The following RGS6 variants were observed in gnomAD, a reference collection of about 807,000 sequenced individuals.
RGS6 encodes the protein regulator of G-protein signaling 6.
A neutral mutation model predicts 78.5 loss-of-function variants in RGS6; 30 were observed. The observed-to-expected ratio is 0.38, with a 90% CI of 0.29 to 0.52. RGS6 has a LOEUF of 0.52. Among genes scored for constraint, RGS6 ranks in the 20% least tolerant of loss-of-function variants. The pLI, the probability that RGS6 is intolerant of heterozygous loss-of-function variation, is 0.85. For synonymous variants in RGS6, 206 were observed against 206.0 expected (o/e 1.00, Z 0.00); for missense variants, 495 against 609.7 (o/e 0.81, Z 1.98).
chr14:72,360,610 G>C (rs922474575), intron 3 of RGS6, among the ~76,000 whole-genome samples: 4 of 151,838 alleles, frequency 2.6e-5, no homozygotes, highest in African/African-American at 9.7e-5. Flanking sequence ...TGTGATGGGA[G>C]GTGGTGGAAG....
At chr14:72,557,294 C>T (rs1479564244) in intron 17 of RGS6, among the ~76,000 whole-genome samples, 1 of 152,252 alleles carries the variant, frequency 6.6e-6, no homozygotes, top group Non-Finnish European at 1.5e-5. Context: ...CAGCGTTTCT[C>T]CGACATCTCA....
At chr14:72,183,308 C>T (rs566937105) in intron 2 of RGS6, among the ~76,000 whole-genome samples, 83 of 152,320 alleles carry the variant, frequency 5.4e-4, no homozygotes, top group South Asian at 1.0e-3. Flanking sequence ...TCCCTGCAAA[C>T]GTCTCTTCTG....
intron 2 of RGS6, among the ~76,000 whole-genome samples, chr14:72,128,545 A>AT (rs563902872): frequency 1.2e-3 from 175 of 146,364 alleles, no homozygotes; most frequent in African/African-American, 3.2e-3. Flanking sequence ...GATTGTGTTG[A>AT]TTTTTTTTTT....
At chr14:72,479,340 G>GT (rs2096316409) in intron 12 of RGS6, among the ~76,000 whole-genome samples, 1 of 152,190 alleles carries the variant, frequency 6.6e-6, no homozygotes, top group African/African-American at 2.4e-5. Context: ...TTATTCCAGG[G>GT]TTTCTCGATT....
At chr14:72,088,906 A>G (rs180702268) in intron 2 of RGS6, among the ~76,000 whole-genome samples, 321 of 152,348 alleles carry the variant, frequency 2.1e-3, no homozygotes, top group African/African-American at 7.4e-3. Flanking sequence ...TCCCCTGTCA[A>G]GAACGTTCCT....
At chr14:72,315,038 A>G (rs974136063) in intron 2 of RGS6, among the ~76,000 whole-genome samples, 10 of 152,200 alleles carry the variant, frequency 6.6e-5, no homozygotes, top group African/African-American at 2.4e-4. Flanking sequence ...AACCACAGCC[A>G]GTTTATTTTT....
intron 3 of RGS6, among the ~76,000 whole-genome samples, chr14:72,423,338 C>T (rs546475800): frequency 1.8e-4 from 27 of 152,302 alleles, no homozygotes; most frequent in African/African-American, 6.3e-4. Context: ...GCTGATGGCC[C>T]TGGGCTGCTT....
At chr14:72,057,727 C>T (rs1239736059) in intron 2 of RGS6, among the ~76,000 whole-genome samples, 1 of 152,170 alleles carries the variant, frequency 6.6e-6, no homozygotes. Context: ...TTTTGCGCGT[C>T]ATTTTGTGCT....
chr14:72,569,509 A>G (rs1169414581), downstream of RGS6, among the ~76,000 whole-genome samples: 1 of 152,180 alleles, frequency 6.6e-6, no homozygotes, highest in Non-Finnish European at 1.5e-5. Context: ...GTGAAACCCC[A>G]TCTCTACCAA....
At chr14:72,468,186 C>T (rs545103702) in intron 7 of RGS6, among the ~76,000 whole-genome samples, 2 of 152,224 alleles carry the variant, frequency 1.3e-5, no homozygotes, top group East Asian at 3.9e-4. Flanking sequence ...CGAGACCATC[C>T]TGGCTAACAT....
rs536151715 is a variant in RGS6 at position 72,565,677 on chromosome 14, C to T, written c.*3210C>T. On this transcript the variant is annotated 3_prime_UTR_variant, in exon 18 of 18. Transcript: ENST00000553525. The stretch of plus-strand genomic sequence containing the variant: ...TAGCTGAACACATGGGGACATGCTC[C>T]AGGGGCTTCTTCCCTGGCAGGATTC... 6.6e-6 allele frequency: 1 copy of T among 152,350 alleles called. No individual in the cohort carries two copies. Among genetic ancestry groups the T allele is most frequent in the African/African-American group, 2.4e-5 (1 of 41,566 alleles). The allele number at this position is 152,350 out of a possible 1,614,324, so 9.4% of individuals were successfully genotyped here.
intron 17 of RGS6, chr14:72,541,409 G>T (rs1475943357): frequency 1.3e-6 from 2 of 1,503,794 alleles, no homozygotes; most frequent in African/African-American, 1.4e-5. Context: ...TTAAACATCG[G>T]TATCCATCCC....
At chr14:72,579,478 AG>A in the RGS6 span, among the ~76,000 whole-genome samples, 7 of 152,238 alleles carry the variant, frequency 4.6e-5, no homozygotes, top group Admixed American at 4.6e-4. Flanking sequence ...ATGGAAGAAC[AG>A]GAAGGGGAGG....
chr14:71,902,269 T>C, the RGS6 span, among the ~76,000 whole-genome samples: 2 of 152,226 alleles, frequency 1.3e-5, no homozygotes, highest in Non-Finnish European at 2.9e-5. Flanking sequence ...TGGGAAAACA[T>C]GAGTTGCCCC....
intron 2 of RGS6, among the ~76,000 whole-genome samples, chr14:72,092,992 C>T (rs2095313672): frequency 6.6e-6 from 1 of 151,972 alleles, no homozygotes; most frequent in African/African-American, 2.4e-5. Flanking sequence ...ATTTCTTAGA[C>T]TTGCCTTGTT....
At chr14:72,416,856 C>T (rs557257853) in intron 3 of RGS6, among the ~76,000 whole-genome samples, 9 of 152,334 alleles carry the variant, frequency 5.9e-5, no homozygotes, top group African/African-American at 2.2e-4. Flanking sequence ...CTTAATCTCT[C>T]AATGTCTCAA....
At chr14:71,968,111 C>T (rs1455937039) in intron 2 of RGS6, among the ~76,000 whole-genome samples, 1 of 152,156 alleles carries the variant, frequency 6.6e-6, no homozygotes, top group Non-Finnish European at 1.5e-5. Flanking sequence ...CATGAAGACA[C>T]CCAGACCTGT....
chr14:72,469,197 G>A (rs571644951), intron 7 of RGS6, among the ~76,000 whole-genome samples: 11 of 142,246 alleles, frequency 7.7e-5, no homozygotes, highest in African/African-American at 2.3e-4. Flanking sequence ...TAGACACTCC[G>A]TTTGGGGCAC....
chr14:72,440,324 A>G lies in RGS6; in HGVS notation c.185-14204A>G, dbSNP rs76052044. Among the ~76,000 whole-genome samples, 488 of 151,990 alleles carry G rather than the reference A, an allele frequency of 3.2e-3. 1 individual carries two copies. The highest frequency in any genetic ancestry group is 6.9e-3 in the Middle Eastern group (2 of 290). ...CTCAGACCCTCTTTGCTTCTGTCCG[A>G]CTACTGCAAGCAGGCAGTTAAGATT... On this transcript the variant is annotated intron_variant, in intron 3 of 17. Coordinates refer to ENST00000553525, the MANE Select transcript of RGS6 (RefSeq NM_001204424.2).
Sources: allele counts gnomAD v4.1 joint callset (sites outside exome capture counted in the v4.1 genomes callset), GRCh38; gene constraint gnomAD v4.1.1; transcripts MANE v1.5; gene names NCBI Gene and HGNC (gene_info 2026-07-23, HGNC 2026-07-21).